The following RFWD3 variants were observed in gnomAD, a reference collection of about 807,000 sequenced individuals.
The protein encoded by RFWD3 is ring finger and WD repeat domain 3, also known as E3 ubiquitin-protein ligase RFWD3.
RFWD3 carries 65 observed loss-of-function variants against 87.7 expected under a neutral mutation model. The ratio of observed to expected loss-of-function variants is 0.74; its 90% CI spans 0.61 to 0.91. The LOEUF is 0.91. RFWD3 is among the 40% of genes least tolerant of loss of function. RFWD3 has a pLI of 0.00. For missense variants in RFWD3, 1,078 were observed against 938.5 expected, an observed-to-expected ratio of 1.15 and a Z score of -1.94; for synonymous variants, 433 against 352.8, an observed-to-expected ratio of 1.23 and a Z score of -2.55.
At chr16:74,665,217 C>G (rs1218810285) in intron 1 of RFWD3, 2 of 152,188 alleles carry the variant, frequency 1.3e-5, no homozygotes, top group African/African-American at 4.8e-5. Flanking sequence ...AATGCCCAGG[C>G]GGATGGATCA....
intron 6 of RFWD3, among the ~76,000 whole-genome samples, chr16:74,643,346 C>A (rs1340582885): frequency 1.3e-5 from 2 of 152,168 alleles, no homozygotes; most frequent in African/African-American, 4.8e-5. Flanking sequence ...ACAACATATG[C>A]ACATTTCAAC....
At chr16:74,629,039 G>C (rs1212735963) in intron 10 of RFWD3, among the ~76,000 whole-genome samples, 2 of 152,094 alleles carry the variant, frequency 1.3e-5, no homozygotes, top group African/African-American at 4.8e-5. Context: ...ACAAAATAAA[G>C]ATCCCAAGTT....
chr16:74,626,626 A>C, intron 11 of RFWD3, 72 bp from the exon 12 acceptor site: 14 of 1,195,972 alleles, frequency 1.2e-5, no homozygotes, highest in Non-Finnish European at 1.6e-5. Flanking sequence ...CCCAAACCTC[A>C]CACGCTTACA....
intron 8 of RFWD3, among the ~76,000 whole-genome samples, chr16:74,633,637 G>C (rs1350558789): frequency 6.6e-6 from 1 of 152,056 alleles, no homozygotes; most frequent in African/African-American, 2.4e-5. Flanking sequence ...AAAGGCCATA[G>C]GGAAACTTTT....
chr16:74,633,274 T>A, intron 8 of RFWD3, among the ~76,000 whole-genome samples: 3 of 98,800 alleles, frequency 3.0e-5, no homozygotes, highest in African/African-American at 4.9e-5. Context: ...CAAAACTCCG[T>A]CTCAGAAAAA....
At chr16:74,647,870 G>C (rs551949491) in intron 4 of RFWD3, among the ~76,000 whole-genome samples, 10 of 152,288 alleles carry the variant, frequency 6.6e-5, no homozygotes, top group African/African-American at 2.2e-4. Context: ...GGGATTATAG[G>C]CATGGGCCAC....
chr16:74,641,420 C>T (rs1597431608), intron 6 of RFWD3, among the ~76,000 whole-genome samples: 1 of 151,922 alleles, frequency 6.6e-6, no homozygotes, highest in Non-Finnish European at 1.5e-5. Flanking sequence ...ACCTCAGCCC[C>T]TCAAAGTGCT....
At chr16:74,629,922 CCTCAGAA>C (rs1449756829) in intron 10 of RFWD3, among the ~76,000 whole-genome samples, 2 of 152,182 alleles carry the variant, frequency 1.3e-5, no homozygotes, top group Non-Finnish European at 2.9e-5. Flanking sequence ...GGCCATCCAT[CCTCAGAA>C]CTTGGGCTCA....
intron 2 of RFWD3, among the ~76,000 whole-genome samples, chr16:74,654,118 C>CT (rs1960784068): frequency 6.6e-6 from 1 of 152,078 alleles, no homozygotes; most frequent in African/African-American, 2.4e-5. Context: ...AAAAGGGACC[C>CT]TGTATCCACA....
intron 6 of RFWD3, among the ~76,000 whole-genome samples, chr16:74,641,928 C>CAAA (rs71158533): frequency 3.8e-5 from 2 of 52,474 alleles, no homozygotes; most frequent in Non-Finnish European, 6.4e-5. Flanking sequence ...ACTCCGTCTC[C>CAAA]AAAAAAAAAA....
In RFWD3 at chr16:74,649,173, CTTGCTCTGCTGAGACACCTGCTAG is replaced by C; in HGVS notation, c.727_750del (p.Leu243_Gln250del). Reference sequence around the variant, plus strand: ...TTGCCTCCATCGATACATGTAACTTCTTGCTCTGCTGAGACACCTGCTAGTTGCTCTGCCAAGTCATTTCCAGAA... The same window carrying C: ...TTGCCTCCATCGATACATGTAACTTCTTGCTCTGCCAAGTCATTTCCAGAA... On this transcript the variant is annotated inframe_deletion, in exon 4 of 13. Coordinates refer to ENST00000361070, the MANE Select transcript of RFWD3 (RefSeq NM_018124.4). 1.3e-6 allele frequency: 2 copies of C among 1,569,272 alleles called. No individual in the cohort carries two copies. Among genetic ancestry groups the C allele is most frequent in the Non-Finnish European group, 1.7e-6 (2 of 1,165,650 alleles).
In RFWD3 at chr16:74,661,308, C is replaced by T; in HGVS notation, c.142G>A (p.Gly48Arg). The T allele has an allele frequency of 6.2e-7, 1 of 1,614,084 alleles. No individual in the cohort carries two copies. Among genetic ancestry groups the T allele is most frequent in the East Asian group, 2.2e-5 (1 of 44,870 alleles). Residue 48 changes from glycine (G) to arginine (R), a missense_variant, in exon 2 of 13, where the codon GGG (glycine) becomes AGG (arginine). Transcript: ENST00000361070. ...PVPADVVSSQ[G>R]VPSILQPAPA... is the part of the protein sequence containing the mutation. ...GCTGGCTGGAGGATGGATGGTACCC[C>T]CTGGCTGCTGACCACATCAGCAGGA... is the stretch of plus-strand genomic sequence containing the variant.
intron 2 of RFWD3, among the ~76,000 whole-genome samples, chr16:74,657,176 C>T (rs1379252729): frequency 6.6e-6 from 1 of 152,140 alleles, no homozygotes; most frequent in African/African-American, 2.4e-5. Flanking sequence ...TGAAGGTGCT[C>T]CAATCCCTCT....
chr16:74,652,198 T>A, intron 2 of RFWD3, 76 bp from the exon 3 acceptor site: 1 of 1,353,056 alleles, frequency 7.4e-7, no homozygotes, highest in Non-Finnish European at 1.0e-6. Flanking sequence ...TGATTTGAAG[T>A]AAATCCTATC....
Position 74,666,864 on chromosome 16 carries a change from C to T in RFWD3, c.-81G>A, listed in dbSNP as rs1961986991. 1 of 47,094 alleles carries T rather than the reference C, an allele frequency of 2.1e-5. No homozygotes were observed. The highest frequency in any genetic ancestry group is 3.9e-5 in the Non-Finnish European group (1 of 25,344). The allele number at this position is 47,094 out of a possible 1,614,324, so 2.9% of individuals were successfully genotyped here. A position where few individuals can be genotyped will look rare whatever the true frequency, so the allele number is the denominator to read the frequency against. ...TACCTCGGCCGCACTCCGAATGCACCTACGCCAACTGCCACTTCCGGAGCC... is the reference window on the plus strand; with the variant it reads ...TACCTCGGCCGCACTCCGAATGCACTTACGCCAACTGCCACTTCCGGAGCC... On this transcript the variant is annotated 5_prime_UTR_variant, in exon 1 of 13. Transcript: ENST00000361070.
At chr16:74,660,311 G>C (rs1321155791) in intron 2 of RFWD3, among the ~76,000 whole-genome samples, 1 of 152,150 alleles carries the variant, frequency 6.6e-6, no homozygotes, top group African/African-American at 2.4e-5. Context: ...TAATTAGTTA[G>C]GTGTGGTGGC....
chr16:74,638,361 T>G (rs1181654640), intron 6 of RFWD3, among the ~76,000 whole-genome samples: 1 of 151,794 alleles, frequency 6.6e-6, no homozygotes, highest in Non-Finnish European at 1.5e-5. Flanking sequence ...CAAAAAAGAA[T>G]CTGAAGTTAA....
rs1009649245 is a variant in RFWD3 at position 74,663,068 on chromosome 16, C to A, written c.-2-1617G>T. On this transcript the variant is annotated intron_variant, in intron 1 of 12. Coordinates refer to ENST00000361070, the MANE Select transcript of RFWD3 (RefSeq NM_018124.4). Reference sequence around the variant, plus strand: ...TACAGGTGCCTGCCACCACGCCTGGCTAATTTTTTGTATTTTTAGTACAGC... The same window carrying A: ...TACAGGTGCCTGCCACCACGCCTGGATAATTTTTTGTATTTTTAGTACAGC... 1.1e-4 allele frequency among the ~76,000 whole-genome samples: 16 copies of A among 152,096 alleles called. No homozygotes were observed. In the East Asian group the frequency reaches 2.7e-3, roughly 26 times the overall value.
chr16:74,635,169 A>T lies in RFWD3; in HGVS notation c.1426+1177T>A, dbSNP rs540663854. 2.3e-4 allele frequency among the ~76,000 whole-genome samples: 35 copies of T among 152,114 alleles called. No individual in the cohort carries two copies. The East Asian group carries it at 5.8e-3, about 25-fold the overall frequency. On this transcript the variant is annotated intron_variant, in intron 8 of 12. Transcript: ENST00000361070. The stretch of plus-strand genomic sequence containing the variant: ...GTGGCGGGCGCCTGTAGTCCCAGCT[A>T]CTCAGGAGGCTGAGGCAGAATGGCA...
Sources: allele counts gnomAD v4.1 joint callset (sites outside exome capture counted in the v4.1 genomes callset), GRCh38; gene constraint gnomAD v4.1.1; transcripts MANE v1.5; gene names NCBI Gene and HGNC (gene_info 2026-07-23, HGNC 2026-07-21).